Variants in PLEKHH2 observed in about 807,000 individuals in gnomAD.
The protein encoded by PLEKHH2 is pleckstrin homology domain-containing family H member 2.
A neutral mutation model predicts 187.9 loss-of-function variants in PLEKHH2; 129 were observed. That is an observed-to-expected ratio of 0.69 (90% CI 0.59 to 0.79). The LOEUF (loss-of-function observed/expected upper bound fraction) is 0.79. PLEKHH2 is among the 30% of genes least tolerant of loss of function. PLEKHH2 has a pLI of 0.00. For missense variants in PLEKHH2, 2,076 were observed against 1,751.2 expected (o/e 1.19, Z -3.31); for synonymous variants, 686 against 605.6 (o/e 1.13, Z -1.95).
At chr2:43,687,904 CT>C (rs1293247672) in intron 3 of PLEKHH2, among the ~76,000 whole-genome samples, 1 of 152,044 alleles carries the variant, frequency 6.6e-6, no homozygotes, top group Non-Finnish European at 1.5e-5. Flanking sequence ...TCAAGTGATT[CT>C]CCCACTTCGG....
At chr2:43,744,972 A>G (rs1030077534) in intron 23 of PLEKHH2, among the ~76,000 whole-genome samples, 1 of 152,136 alleles carries the variant, frequency 6.6e-6, no homozygotes, top group African/African-American at 2.4e-5. Flanking sequence ...TTTCCAGATC[A>G]TAGTAAAATA....
intron 1 of PLEKHH2, among the ~76,000 whole-genome samples, chr2:43,637,680 G>T (rs1167744124): frequency 6.6e-6 from 1 of 152,142 alleles, no homozygotes; most frequent in African/African-American, 2.4e-5. Flanking sequence ...GAAACACTGG[G>T]CCCGGGCTTC....
At chr2:43,717,348 G>T (rs531030088) in intron 15 of PLEKHH2, among the ~76,000 whole-genome samples, 19 of 152,294 alleles carry the variant, frequency 1.2e-4, no homozygotes, top group African/African-American at 4.3e-4. Context: ...AACCCAGGAG[G>T]CAGAGGTTGC....
chr2:43,698,243 C>T (rs1669183990), intron 7 of PLEKHH2, among the ~76,000 whole-genome samples: 1 of 115,958 alleles, frequency 8.6e-6, no homozygotes, highest in Non-Finnish European at 1.7e-5. Context: ...CTCTTCTCTT[C>T]TCTCTCTCTT....
chr2:43,692,720 C>CA (rs1668871632), intron 4 of PLEKHH2, 57 bp downstream of exon 4: 3 of 1,528,236 alleles, frequency 2.0e-6, no homozygotes, highest in Non-Finnish European at 2.7e-6. Flanking sequence ...TGCATAATCA[C>CA]AAAGATTAAA....
At chr2:43,732,911 A>C (rs1671112871) in intron 19 of PLEKHH2, among the ~76,000 whole-genome samples, 1 of 152,340 alleles carries the variant, frequency 6.6e-6, no homozygotes, top group African/African-American at 2.4e-5. Flanking sequence ...GCCAATAAAA[A>C]TTCAGGGTCT....
chr2:43,693,302 C>A (rs1157767010), intron 4 of PLEKHH2, among the ~76,000 whole-genome samples: 1 of 152,124 alleles, frequency 6.6e-6, no homozygotes, highest in Non-Finnish European at 1.5e-5. Context: ...TTGTTTGCAA[C>A]CCATCTTTGC....
chr2:43,755,274 C>T (rs1485891515), intron 25 of PLEKHH2, among the ~76,000 whole-genome samples: 1 of 152,174 alleles, frequency 6.6e-6, no homozygotes, highest in African/African-American at 2.4e-5. Context: ...CCCAAACAAG[C>T]TTCACACCTG....
intron 14 of PLEKHH2, 73 bp downstream of exon 14, chr2:43,710,648 G>A: frequency 1.4e-6 from 2 of 1,459,004 alleles, no homozygotes; most frequent in South Asian, 1.3e-5. Flanking sequence ...CCAACCTAAT[G>A]GAAAGGAGAT....
Position 43,710,089 on chromosome 2 carries a change from C to A in PLEKHH2, c.2066C>A (p.Pro689Gln), listed in dbSNP as rs201924422. 1.2e-6 allele frequency: 2 copies of A among 1,612,790 alleles called. No homozygotes were observed. Among genetic ancestry groups the A allele is most frequent in the Admixed American group, 3.4e-5 (2 of 59,628 alleles). ...TACTCACAGCCAGAGCAGAAGCTCC[C>A]AAAAACTTGCTCATCTTCCAGTGAT... is the stretch of plus-strand genomic sequence containing the variant. ...TEYSQPEQKL[P>Q]KTCSSSSDNG... is the part of the protein sequence containing the mutation. Residue 689 changes from proline (P) to glutamine (Q), a missense_variant, in exon 12 of 30, where the codon CCA becomes CAA. Coordinates refer to ENST00000282406, the MANE Select transcript of PLEKHH2 (RefSeq NM_172069.4).
intron 2 of PLEKHH2, chr2:43,676,071 C>T (rs754993879): frequency 1.2e-6 from 2 of 1,613,804 alleles, no homozygotes. Flanking sequence ...TCAGTACAGC[C>T]CAGTAACTCT....
At chr2:43,692,250 A>G (rs1041632217) in intron 3 of PLEKHH2, 2 of 247,018 alleles carry the variant, frequency 8.1e-6, no homozygotes, top group African/African-American at 2.3e-5. Context: ...GCATATTGTC[A>G]TCGCTCTAGG....
intron 15 of PLEKHH2, among the ~76,000 whole-genome samples, chr2:43,715,912 G>A (rs1265697544): frequency 1.3e-5 from 2 of 152,126 alleles, no homozygotes; most frequent in Non-Finnish European, 1.5e-5. Flanking sequence ...ATTATGTAGG[G>A]CAGGGGAGAG....
At chr2:43,727,410 CAAA>C (rs57973493) in intron 17 of PLEKHH2, among the ~76,000 whole-genome samples, 1 of 114,842 alleles carries the variant, frequency 8.7e-6, no homozygotes, top group South Asian at 3.0e-4. Context: ...GACTCCGTCT[CAAA>C]AAAAAAAAGA....
chr2:43,651,414 T>C (rs956723857), intron 2 of PLEKHH2, among the ~76,000 whole-genome samples: 1 of 152,192 alleles, frequency 6.6e-6, no homozygotes, highest in East Asian at 1.9e-4. Flanking sequence ...TATCCCTTTG[T>C]TTCTTTCTGT....
chr2:43,742,604 T>C, intron 21 of PLEKHH2, 137 bp from the exon 22 acceptor site: 2 of 572,650 alleles, frequency 3.5e-6, no homozygotes, highest in Non-Finnish European at 5.4e-6. Context: ...AGTTTAGTAT[T>C]ATCATTCAAA....
intron 2 of PLEKHH2, among the ~76,000 whole-genome samples, chr2:43,673,969 A>G (rs1476234194): frequency 6.6e-6 from 1 of 152,220 alleles, no homozygotes; most frequent in Non-Finnish European, 1.5e-5. Context: ...ATAGGAAGTC[A>G]GTGCCATAGG....
chr2:43,671,436 A>T (rs1369898868), intron 2 of PLEKHH2, among the ~76,000 whole-genome samples: 1 of 151,972 alleles, frequency 6.6e-6, no homozygotes, highest in South Asian at 2.1e-4. Context: ...ATATTGCTTT[A>T]TTTCTTCCTT....
At chr2:43,686,199 C>T (rs1034640116) in intron 3 of PLEKHH2, among the ~76,000 whole-genome samples, 8 of 151,094 alleles carry the variant, frequency 5.3e-5, no homozygotes, top group African/African-American at 1.9e-4. Flanking sequence ...CTTCTTTCTT[C>T]TTCTTCTTCT....
Sources: gnomAD v4.1 joint callset for allele counts (sites outside exome capture counted in the v4.1 genomes callset) on GRCh38, gnomAD v4.1.1 for gene constraint, MANE v1.5 for transcripts, NCBI Gene and HGNC (gene_info 2026-07-23, HGNC 2026-07-21) for gene names.